Variants in COL11A1 observed in about 807,000 individuals in gnomAD.
COL11A1 encodes collagen type XI alpha 1 chain.
A neutral mutation model predicts 265.2 loss-of-function variants in COL11A1; 74 were observed. The observed-to-expected ratio is 0.28, with a 90% CI of 0.23 to 0.34. The LOEUF is 0.34. Ranked by LOEUF, COL11A1 falls within the 10% of genes least tolerant of loss-of-function variation. The pLI is 1.00. For missense variants in COL11A1, 2,165 were observed against 2,263.6 expected (o/e 0.96, Z 0.88); for synonymous variants, 816 against 727.6 (o/e 1.12, Z -1.96).
At chr1:102,998,473 T>C (rs562472513) in intron 24 of COL11A1, 110 bp from the exon 25 acceptor site, 2 of 653,678 alleles carry the variant, frequency 3.1e-6, no homozygotes, top group African/African-American at 3.7e-5. Flanking sequence ...CTTCAATTCA[T>C]AAGTAATAAC....
At chr1:102,984,259 AT>A (rs532567797) in intron 30 of COL11A1, 68 bp from the exon 31 acceptor site, 103 of 1,066,904 alleles carry the variant, frequency 9.7e-5, no homozygotes, top group East Asian at 3.4e-4. Flanking sequence ...AATGATTTCA[AT>A]TTTTTTTAAA....
At chr1:103,034,282 T>C (rs1668195686) in intron 4 of COL11A1, among the ~76,000 whole-genome samples, 1 of 152,130 alleles carries the variant, frequency 6.6e-6, no homozygotes, top group Non-Finnish European at 1.5e-5. Context: ...CTTTGTTAAA[T>C]ATGTTTTCTG....
chr1:103,001,134 A>G (rs1378254974), intron 24 of COL11A1: 1 of 397,578 alleles, frequency 2.5e-6, no homozygotes, highest in Admixed American at 4.4e-5. Context: ...GGAAACATGG[A>G]CTGAATATTA....
intron 42 of COL11A1, 45 bp downstream of exon 42, chr1:102,946,804 G>C (rs1211296316): frequency 1.4e-6 from 2 of 1,433,556 alleles, no homozygotes; most frequent in South Asian, 1.2e-5. Flanking sequence ...GTAATAACGT[G>C]TACAGGGTAG....
chr1:102,930,000 A>G (rs1290437190), intron 46 of COL11A1, among the ~76,000 whole-genome samples: 2 of 152,108 alleles, frequency 1.3e-5, no homozygotes, highest in Non-Finnish European at 2.9e-5. Context: ...GGCTGAGACA[A>G]TGGGGTTTTC....
chr1:103,010,654 A>T (rs1666032045), intron 14 of COL11A1, among the ~76,000 whole-genome samples: 1 of 152,012 alleles, frequency 6.6e-6, no homozygotes, highest in Non-Finnish European at 1.5e-5. Flanking sequence ...AATAAATGAA[A>T]TTTATTTGAA....
chr1:102,942,383 G>A (rs1178474772), intron 42 of COL11A1, among the ~76,000 whole-genome samples: 1 of 152,058 alleles, frequency 6.6e-6, no homozygotes, highest in Non-Finnish European at 1.5e-5. Context: ...TCTGTGTGAT[G>A]TTGGGAGAAA....
At chr1:102,990,013 C>T (rs1289426381) in intron 28 of COL11A1, among the ~76,000 whole-genome samples, 2 of 151,960 alleles carry the variant, frequency 1.3e-5, no homozygotes, top group African/African-American at 2.4e-5. Flanking sequence ...TGGCAAAACC[C>T]ATCTCTACAA....
chr1:103,048,093 G>A (rs61816511), intron 4 of COL11A1, among the ~76,000 whole-genome samples: 20,923 of 152,118 alleles, frequency 0.14, 1,546 homozygotes, highest in African/African-American at 0.15. Context: ...GCCAGGCTTT[G>A]GTATCAGGAT....
chr1:103,064,484 T>C (rs1670921406), intron 4 of COL11A1, among the ~76,000 whole-genome samples: 1 of 151,512 alleles, frequency 6.6e-6, no homozygotes, highest in Non-Finnish European at 1.5e-5. Context: ...GGTCAGGAGA[T>C]CAAGACCATC....
At chr1:102,897,204 T>C (rs1652533732) in intron 57 of COL11A1, among the ~76,000 whole-genome samples, 1 of 152,036 alleles carries the variant, frequency 6.6e-6, no homozygotes, top group East Asian at 1.9e-4. Context: ...AAATTTTTCC[T>C]GAATGAACTG....
chr1:102,921,768 A>G (rs1353852595), intron 47 of COL11A1, among the ~76,000 whole-genome samples, 197 bp from the exon 48 acceptor site: 2 of 152,236 alleles, frequency 1.3e-5, no homozygotes, highest in African/African-American at 4.8e-5. Context: ...AGCTATGAGG[A>G]AATTAGGATT....
chr1:102,943,800 CTG>C (rs142701207), intron 42 of COL11A1, among the ~76,000 whole-genome samples: 5,356 of 152,192 alleles, frequency 0.035, 321 homozygotes, highest in African/African-American at 0.12. Context: ...ATTGACTTCA[CTG>C]TGTTTTAGAT....
chr1:102,920,353 T>G lies in COL11A1; in HGVS notation c.3720A>C (p.Gly1240=). Residue 1240 remains glycine, a synonymous_variant, in exon 49 of 67, where the codon GGA becomes GGC. Transcript: ENST00000370096. ...CAACTGAACCAACAGACCCTGGGGG[T>G]CCTTGTGGTCCCTGCAGTGTAGAAA... ...QGPNGADGPQ[G]PPGSVGSVGG... is the part of the protein sequence containing the mutation. 2.5e-6 allele frequency: 4 copies of G among 1,613,002 alleles called. No individual in the cohort carries two copies. The highest frequency in any genetic ancestry group is 3.4e-6 in the Non-Finnish European group (4 of 1,179,252).
Position 102,962,812 on chromosome 1 carries a change from GAT to G in COL11A1, c.2917-54_2917-53del, listed in dbSNP as rs1661050999. On this transcript the variant is annotated intron_variant, in intron 38 of 66. Coordinates refer to ENST00000370096, the MANE Select transcript of COL11A1 (RefSeq NM_001854.4). ...AGATTGCTCTTTTATTTTTGGCAAA[GAT>G]AACACAAACTCAAAAACAGTATTAT... is the stretch of plus-strand genomic sequence containing the variant. 3 of 1,516,098 alleles carry G rather than the reference GAT, an allele frequency of 2.0e-6. No homozygotes were observed. In the African/African-American group the frequency reaches 4.1e-5, roughly 21 times the overall value. 93.9% of individuals were successfully genotyped at this position (1,516,098 alleles called of 1,614,324 possible).
At chr1:102,990,188 A>C (rs956391631) in intron 28 of COL11A1, among the ~76,000 whole-genome samples, 1 of 152,018 alleles carries the variant, frequency 6.6e-6, no homozygotes, top group East Asian at 1.9e-4. Context: ...TCTCCCCCCA[A>C]CAACAACAAC....
At chr1:103,063,609 G>A (rs1007598047) in intron 4 of COL11A1, among the ~76,000 whole-genome samples, 1 of 152,070 alleles carries the variant, frequency 6.6e-6, no homozygotes, top group Non-Finnish European at 1.5e-5. Flanking sequence ...GAAACTCCTA[G>A]AAGACAATAT....
chr1:103,107,315 C>A (rs970863590), intron 1 of COL11A1, among the ~76,000 whole-genome samples: 4 of 151,736 alleles, frequency 2.6e-5, no homozygotes, highest in Non-Finnish European at 4.4e-5. Context: ...TCCGCCCCCA[C>A]CCCATTTGCT....
rs115393254 is a variant in COL11A1 at position 103,035,981 on chromosome 1, G to T, written c.652-4737C>A. Among the ~76,000 whole-genome samples, 1,090 of 151,576 alleles carry T rather than the reference G, an allele frequency of 7.2e-3. 15 individuals are homozygous for T. Among genetic ancestry groups the T allele is most frequent in the African/African-American group, 0.025 (1,037 of 41,424 alleles). On this transcript the variant is annotated intron_variant, in intron 4 of 66. Transcript: ENST00000370096. ...TTCAGAACACTGAGTAACCATACCT[G>T]AATTGTTATAAATGAAAAAAAGCAA...
Sources: gnomAD v4.1 joint callset for allele counts (sites outside exome capture counted in the v4.1 genomes callset) on GRCh38, gnomAD v4.1.1 for gene constraint, MANE v1.5 for transcripts, NCBI Gene and HGNC (gene_info 2026-07-23, HGNC 2026-07-21) for gene names.